The following NBN variants were observed in gnomAD, a reference collection of about 807,000 sequenced individuals.
NBN encodes nibrin.
NBN carries 88 observed loss-of-function variants against 90.8 expected under a neutral mutation model. The observed-to-expected ratio is 0.97, with a 90% CI of 0.82 to 1.16. The LOEUF is 1.16. Ranked by LOEUF, NBN falls within the 50% of genes most tolerant of loss-of-function variation. The probability of loss-of-function intolerance (pLI) is 0.00; values close to 1 mark genes in which losing one functional copy is unlikely to be tolerated. For missense variants in NBN, 894 were observed against 869.6 expected (o/e 1.03, Z -0.35); for synonymous variants, 328 against 295.1 (o/e 1.11, Z -1.14).
At chr8:89,963,863 G>C (rs1811116390) in intron 8 of NBN, among the ~76,000 whole-genome samples, 1 of 152,140 alleles carries the variant, frequency 6.6e-6, no homozygotes, top group Non-Finnish European at 1.5e-5. Flanking sequence ...TTCACATCCA[G>C]ATTTCCACAA....
chr8:89,942,942 G>C lies in NBN; in HGVS notation c.2184+311C>G, dbSNP rs6470523. ...TGACATACATTTAAGTGATATATTT[G>C]TAATATCCTCCACATTCTTTTAGTT... On this transcript the variant is annotated intron_variant, in intron 14 of 15. Transcript: ENST00000265433. Among the ~76,000 whole-genome samples the C allele has an allele frequency of 0.31, 46,814 of 151,670 alleles. 7,467 individuals are homozygous for C. The highest frequency in any genetic ancestry group is 0.45 in the East Asian group (2,336 of 5,174).
chr8:89,948,571 A>C (rs202002914), intron 11 of NBN, among the ~76,000 whole-genome samples: 3 of 152,170 alleles, frequency 2.0e-5, no homozygotes, highest in African/African-American at 7.2e-5. Context: ...TTCAGTAAAA[A>C]CTACAATTCT....
intron 8 of NBN, among the ~76,000 whole-genome samples, chr8:89,961,399 G>T (rs1201384497): frequency 6.6e-6 from 1 of 152,178 alleles, no homozygotes; most frequent in African/African-American, 2.4e-5. Flanking sequence ...AAGAGGTGTG[G>T]AAACAACTGG....
In NBN at chr8:89,976,835, T is replaced by C. The variant is rs1044843566; in HGVS notation, c.584+1385A>G. 1.3e-5 allele frequency among the ~76,000 whole-genome samples: 2 copies of C among 152,312 alleles called. 1 individual carries two copies. The highest frequency in any genetic ancestry group is 4.1e-4 in the South Asian group (2 of 4,830). ...AGTATATTTTTCCAGAGTCCAAATATATCACATTACCTGCCAACTGGAGTA... is the reference window on the plus strand; with the variant it reads ...AGTATATTTTTCCAGAGTCCAAATACATCACATTACCTGCCAACTGGAGTA... On this transcript the variant is annotated intron_variant, in intron 5 of 15. Transcript: ENST00000265433.
At chr8:89,984,329 G>A (rs1812225341) in intron 1 of NBN, 196 bp downstream of exon 1, 2 of 639,708 alleles carry the variant, frequency 3.1e-6, no homozygotes, top group South Asian at 3.7e-5. Context: ...CACCGCCCGC[G>A]CTGAATTCCA....
chr8:89,933,866 G>T lies in NBN; in HGVS notation c.*1716C>A. 1 of 232,088 alleles carries T rather than the reference G, an allele frequency of 4.3e-6. No individual in the cohort carries two copies. Among genetic ancestry groups the T allele is most frequent in the Non-Finnish European group, 8.5e-6 (1 of 117,502 alleles). The allele number at this position is 232,088 out of a possible 1,614,324, so 14.4% of individuals were successfully genotyped here. A position where few individuals can be genotyped will look rare whatever the true frequency, so the allele number is the denominator to read the frequency against. On this transcript the variant is annotated 3_prime_UTR_variant, in exon 16 of 16. Transcript: ENST00000265433. ...GAGACTTGCATCTAGAATGTATAAA[G>T]AATTTCTATGACCCAATTATAGCTA... is the stretch of plus-strand genomic sequence containing the variant.
chr8:89,938,476 G>GTATA (rs754218937), intron 14 of NBN, among the ~76,000 whole-genome samples: 3 of 151,710 alleles, frequency 2.0e-5, no homozygotes, highest in African/African-American at 7.3e-5. Flanking sequence ...ATGTGTGTGT[G>GTATA]TGTATATATA....
At chr8:89,961,746 G>T (rs1811001268) in intron 8 of NBN, among the ~76,000 whole-genome samples, 1 of 152,326 alleles carries the variant, frequency 6.6e-6, no homozygotes, top group South Asian at 2.1e-4. Context: ...AGGGCTTGGA[G>T]ATTTATTCTG....
Position 89,951,456 on chromosome 8 carries a change from C to T in NBN, c.1845+1788G>A, listed in dbSNP as rs368759164. On this transcript the variant is annotated intron_variant, in intron 11 of 15. Coordinates refer to ENST00000265433, the MANE Select transcript of NBN (RefSeq NM_002485.5). ...TGTGGCCAAAGTAATGTAAAAAGTG[C>T]CTAACTTTCTAAACACTTACATGTA... is the stretch of plus-strand genomic sequence containing the variant. Among the ~76,000 whole-genome samples, 8 of 152,104 alleles carry T rather than the reference C, an allele frequency of 5.3e-5. No individual in the cohort carries two copies. The East Asian group carries it at 7.7e-4, about 15-fold the overall frequency.
intron 5 of NBN, among the ~76,000 whole-genome samples, chr8:89,974,753 C>T (rs184256578): frequency 3.9e-4 from 60 of 152,294 alleles, no homozygotes; most frequent in African/African-American, 1.2e-3. Flanking sequence ...AGGAAGGAAA[C>T]ATTACTTCAT....
chr8:89,944,591 G>T (rs1158695554), intron 13 of NBN, among the ~76,000 whole-genome samples: 1 of 152,052 alleles, frequency 6.6e-6, no homozygotes, highest in African/African-American at 2.4e-5. Context: ...CCCGCAAGTT[G>T]ACCACTTCCT....
At chr8:89,963,108 C>T (rs192182242) in intron 8 of NBN, among the ~76,000 whole-genome samples, 243 of 152,322 alleles carry the variant, frequency 1.6e-3, no homozygotes, top group Non-Finnish European at 3.0e-3. Context: ...AGTCTCTGCA[C>T]ACTCCAGAGA....
chr8:89,943,291 T>C lies in NBN; in HGVS notation c.2146A>G (p.Asn716Asp), dbSNP rs72563785. Residue 716 changes from asparagine to aspartate, a missense_variant, in exon 14 of 16, where the codon AAT (asparagine) becomes GAT (aspartate). Transcript: ENST00000265433. Reference sequence around the variant, plus strand: ...CTTAGCCACTCTTCTAGTTCTGTATTCTTTCGAGCATGATGAGCTATTAGA... The same window carrying C: ...CTTAGCCACTCTTCTAGTTCTGTATCCTTTCGAGCATGATGAGCTATTAGA... ...SDLIAHHARK[N>D]TELEEWLRQE... 1.4e-3 allele frequency: 2,334 copies of C among 1,613,746 alleles called. 34 individuals carry two copies. In the African/African-American group the frequency reaches 0.028, roughly 19 times the overall value.
chr8:89,981,818 G>T, intron 2 of NBN: 2 of 539,988 alleles, frequency 3.7e-6, no homozygotes, highest in Non-Finnish European at 6.0e-6. Context: ...TTTTTGCTTT[G>T]GTGCAGTCTG....
intron 5 of NBN, among the ~76,000 whole-genome samples, chr8:89,973,416 A>G (rs913307197): frequency 1.3e-5 from 2 of 152,204 alleles, no homozygotes; most frequent in Non-Finnish European, 2.9e-5. Context: ...ACTTGGTAAG[A>G]TCAATCTTGA....
At chr8:89,937,796 G>T (rs1307554922) in intron 14 of NBN, among the ~76,000 whole-genome samples, 1 of 152,108 alleles carries the variant, frequency 6.6e-6, no homozygotes, top group Non-Finnish European at 1.5e-5. Context: ...CGTGGACTCT[G>T]TATGCCGGTT....
chr8:89,941,822 T>C lies in NBN; in HGVS notation c.2184+1431A>G, dbSNP rs528093365. ...GAGAAAGGATGTGATTTCCATTCTT[T>C]CATTTTTTAAAAATAAGTATCCTGA... On this transcript the variant is annotated intron_variant, in intron 14 of 15. Coordinates refer to ENST00000265433, the MANE Select transcript of NBN (RefSeq NM_002485.5). Among the ~76,000 whole-genome samples the C allele has an allele frequency of 4.3e-3, 657 of 152,350 alleles. 2 individuals are homozygous for C. The highest frequency in any genetic ancestry group is 7.0e-3 in the Non-Finnish European group (479 of 68,014).
At chr8:89,945,744 T>C (rs1810156239) in intron 13 of NBN, among the ~76,000 whole-genome samples, 1 of 152,210 alleles carries the variant, frequency 6.6e-6, no homozygotes, top group Admixed American at 6.5e-5. Flanking sequence ...ATATAGACTA[T>C]AGTTTGAATT....
At chr8:89,981,961 T>C in intron 2 of NBN, 1 of 1,198,366 alleles carries the variant, frequency 8.3e-7, no homozygotes, top group Non-Finnish European at 1.1e-6. Context: ...ACAGTAACAA[T>C]TTTACTTTTT....
Sources: gnomAD v4.1 joint callset for allele counts (sites outside exome capture counted in the v4.1 genomes callset) on GRCh38, gnomAD v4.1.1 for gene constraint, MANE v1.5 for transcripts, NCBI Gene and HGNC (gene_info 2026-07-23, HGNC 2026-07-21) for gene names.